The following SMURF1 variants were observed in gnomAD, a reference collection of about 807,000 sequenced individuals.
SMURF1 encodes SMAD specific E3 ubiquitin protein ligase 1.
A neutral mutation model predicts 98.0 loss-of-function variants in SMURF1; 44 were observed. The observed-to-expected ratio is 0.45, with a 90% CI of 0.35 to 0.58. The LOEUF (loss-of-function observed/expected upper bound fraction) is 0.58. Ranked by LOEUF, SMURF1 falls within the 20% of genes least tolerant of loss-of-function variation. The pLI is 0.00. For missense variants in SMURF1, 687 were observed against 938.4 expected, an observed-to-expected ratio of 0.73 and a Z score of 3.50; for synonymous variants, 396 against 374.9, an observed-to-expected ratio of 1.06 and a Z score of -0.65.
At chr7:99,119,610 G>A (rs145980685) in intron 1 of SMURF1, among the ~76,000 whole-genome samples, 1 of 152,164 alleles carries the variant, frequency 6.6e-6, no homozygotes, top group Non-Finnish European at 1.5e-5. Context: ...GGAAGGCTGT[G>A]TATGTGACAA....
intron 1 of SMURF1, among the ~76,000 whole-genome samples, chr7:99,064,657 A>G: frequency 6.6e-6 from 1 of 152,228 alleles, no homozygotes; most frequent in East Asian, 1.9e-4. Flanking sequence ...ACTTGTTTGT[A>G]ATATTCCTTG....
chr7:99,037,504 G>C (rs1028076644), intron 14 of SMURF1, among the ~76,000 whole-genome samples: 6 of 152,214 alleles, frequency 3.9e-5, no homozygotes, highest in African/African-American at 1.4e-4. Flanking sequence ...CTCCCAAAGT[G>C]TTGGGATTAC....
At chr7:99,051,546 C>T in intron 7 of SMURF1, 105 bp from the exon 8 acceptor site, 1 of 855,534 alleles carries the variant, frequency 1.2e-6, no homozygotes, top group Non-Finnish European at 2.0e-6. Context: ...ATCTAGATAA[C>T]ACTCCCCTCT....
chr7:99,045,216 TTC>T (rs1458506181), intron 11 of SMURF1, among the ~76,000 whole-genome samples: 5 of 152,240 alleles, frequency 3.3e-5, no homozygotes, highest in African/African-American at 9.6e-5. Context: ...CATCATTCTA[TTC>T]TGTTTTTTAA....
At chr7:99,085,569 A>G (rs1454844884) in intron 1 of SMURF1, among the ~76,000 whole-genome samples, 1 of 152,162 alleles carries the variant, frequency 6.6e-6, no homozygotes, top group Non-Finnish European at 1.5e-5. Flanking sequence ...AGAGCGCTGC[A>G]TTTATCATAC....
At chr7:99,113,840 A>T (rs1797380994) in intron 1 of SMURF1, among the ~76,000 whole-genome samples, 7 of 27,454 alleles carry the variant, frequency 2.5e-4, no homozygotes, top group South Asian at 6.8e-3. Context: ...CTCCGTCTAA[A>T]AAAAAAAAAA....
rs532253658 is a variant in SMURF1 at position 99,076,779 on chromosome 7, G to GT, written c.56-14943dup. 4.4e-4 allele frequency among the ~76,000 whole-genome samples: 67 copies of GT among 152,312 alleles called. No individual in the cohort carries two copies. The East Asian group carries it at 0.013, about 29-fold the overall frequency. On this transcript the variant is annotated intron_variant, in intron 1 of 17. Transcript: ENST00000361368. ...TTGGGGAATCTGGACGTGTGTATGCGTATGTACATGTGTGTGTGCGCATGT... is the reference window on the plus strand; with the variant it reads ...TTGGGGAATCTGGACGTGTGTATGCGTTATGTACATGTGTGTGTGCGCATGT...
intron 1 of SMURF1, among the ~76,000 whole-genome samples, chr7:99,063,261 A>AAGAT (rs1258675712): frequency 1.4e-4 from 1 of 6,930 alleles, no homozygotes; most frequent in Non-Finnish European, 3.8e-4. Flanking sequence ...ATATATATAT[A>AAGAT]TATATATATA....
chr7:99,109,798 CAAGAAA>C (rs1797280726), intron 1 of SMURF1, among the ~76,000 whole-genome samples: 2 of 152,088 alleles, frequency 1.3e-5, no homozygotes, highest in Admixed American at 1.3e-4. Context: ...AAACTTAATA[CAAGAAA>C]AAGATATAAA....
chr7:99,066,800 GAA>G (rs1796206974), intron 1 of SMURF1, among the ~76,000 whole-genome samples: 1 of 146,526 alleles, frequency 6.8e-6, no homozygotes, highest in Non-Finnish European at 1.5e-5. Flanking sequence ...AAAAAAAAAA[GAA>G]AAGAAGAAAT....
chr7:99,057,155 AAT>A, intron 5 of SMURF1, 48 bp downstream of exon 5: 1 of 1,599,238 alleles, frequency 6.3e-7, no homozygotes, highest in Non-Finnish European at 8.6e-7. Context: ...TGAAGGGTTG[AAT>A]GTAAGTTCTG....
At chr7:99,143,269 G>C in intron 1 of SMURF1, among the ~76,000 whole-genome samples, 1 of 124,586 alleles carries the variant, frequency 8.0e-6, no homozygotes, top group East Asian at 2.6e-4. Context: ...CGGGGCCTGG[G>C]GGGAGAAGCG....
intron 15 of SMURF1, 43 bp downstream of exon 15, chr7:99,037,024 C>G (rs1318321393): frequency 1.2e-6 from 2 of 1,611,974 alleles, no homozygotes; most frequent in African/African-American, 2.7e-5. Flanking sequence ...CAGACGCCAG[C>G]CACAGGGACG....
intron 17 of SMURF1, 100 bp downstream of exon 17, chr7:99,032,937 C>CAG: frequency 7.8e-7 from 1 of 1,286,574 alleles, no homozygotes; most frequent in Non-Finnish European, 1.1e-6. Flanking sequence ...AATATTTTGG[C>CAG]AGAGACTCCA....
At chr7:99,076,055 A>T (rs1796449943) in intron 1 of SMURF1, among the ~76,000 whole-genome samples, 1 of 152,168 alleles carries the variant, frequency 6.6e-6, no homozygotes, top group South Asian at 2.1e-4. Context: ...CCTGCAGGTC[A>T]TTACCTTATC....
rs1795768433 is a variant in SMURF1, at chr7:99,052,124, C to A, written c.721+81G>T. Reference sequence around the variant, plus strand: ...CACTCCAGCATGGGTGACAGCAAGACCTTGTCTCAAAAAAAAAAAAAAAGT... The same window carrying A: ...CACTCCAGCATGGGTGACAGCAAGAACTTGTCTCAAAAAAAAAAAAAAAGT... On this transcript the variant is annotated intron_variant, in intron 7 of 17. Transcript: ENST00000361368. The A allele has an allele frequency of 3.4e-6, 5 of 1,462,118 alleles. No homozygotes were observed. The African/African-American group carries it at 4.3e-5, about 13-fold the overall frequency. 90.6% of individuals were successfully genotyped at this position (1,462,118 alleles called of 1,614,324 possible). A position where few individuals can be genotyped will look rare whatever the true frequency, so the allele number is the denominator to read the frequency against.
At position 99,029,886 on chromosome 7, in the gene SMURF1, T is replaced by C. The variant is rs1330927275; in HGVS notation, c.*698A>G. On this transcript the variant is annotated 3_prime_UTR_variant, in exon 18 of 18. Transcript: ENST00000361368. ...AGGGACCCTTAAAAGATCGTTTTTC[T>C]CTATGTAAAACAAAATTTTCAGCCA... 1 of 152,192 alleles carries C rather than the reference T, an allele frequency of 6.6e-6. No homozygotes were observed. The highest frequency in any genetic ancestry group is 2.4e-5 in the African/African-American group (1 of 41,428). The allele number at this position is 152,192 out of a possible 1,614,324, so 9.4% of individuals were successfully genotyped here.
chr7:99,111,126 G>A (rs971854337), intron 1 of SMURF1, among the ~76,000 whole-genome samples: 1 of 152,082 alleles, frequency 6.6e-6, no homozygotes, highest in Non-Finnish European at 1.5e-5. Flanking sequence ...TATTACCCTA[G>A]TCAAGAGGTA....
chr7:99,037,027 CAG>C (rs1554436847), intron 15 of SMURF1, 38 bp downstream of exon 15: 2 of 1,612,340 alleles, frequency 1.2e-6, no homozygotes, highest in South Asian at 2.2e-5. Context: ...ACGCCAGCCA[CAG>C]GGACGCCCTG....
Sources: allele counts gnomAD v4.1 joint callset (sites outside exome capture counted in the v4.1 genomes callset), GRCh38; gene constraint gnomAD v4.1.1; transcripts MANE v1.5; gene names NCBI Gene and HGNC (gene_info 2026-07-23, HGNC 2026-07-21).